The following DIAPH3 variants were observed in gnomAD, a reference collection of about 807,000 sequenced individuals.
The protein encoded by DIAPH3 is diaphanous related formin 3.
A neutral mutation model predicts 144.3 loss-of-function variants in DIAPH3; 117 were observed. That is an observed-to-expected ratio of 0.81 (90% CI 0.70 to 0.95). The LOEUF is 0.95. DIAPH3 is among the 40% of genes least tolerant of loss of function. The pLI, the probability that DIAPH3 is intolerant of heterozygous loss-of-function variation, is 0.00. For missense variants in DIAPH3, 1,421 were observed against 1,412.7 expected (o/e 1.01, Z -0.09); for synonymous variants, 519 against 488.9 (o/e 1.06, Z -0.81).
chr13:59,963,906 TAA>T (rs2049911406), intron 17 of DIAPH3, among the ~76,000 whole-genome samples: 1 of 152,200 alleles, frequency 6.6e-6, no homozygotes, highest in South Asian at 2.1e-4. Context: ...TTCAGAAGGA[TAA>T]GCCTCATTTA....
chr13:60,143,000 G>C (rs1024084308), intron 1 of DIAPH3, among the ~76,000 whole-genome samples: 1 of 151,370 alleles, frequency 6.6e-6, no homozygotes, highest in Non-Finnish European at 1.5e-5. Context: ...TGATCCTTCT[G>C]CCTCAGCCTT....
At chr13:59,807,140 A>G (rs1423227684) in intron 25 of DIAPH3, among the ~76,000 whole-genome samples, 1 of 151,946 alleles carries the variant, frequency 6.6e-6, no homozygotes, top group African/African-American at 2.4e-5. Flanking sequence ...TCACTTGGTA[A>G]TAAGAGTTAC....
chr13:60,136,629 C>T (rs2059284506), intron 1 of DIAPH3, among the ~76,000 whole-genome samples: 1 of 152,060 alleles, frequency 6.6e-6, no homozygotes, highest in African/African-American at 2.4e-5. Flanking sequence ...AAATAAAACT[C>T]ATGATTTTAA....
rs142660302 is a variant in DIAPH3 at position 59,952,804 on chromosome 13, G to A, written c.2074+17140C>T. ...GAAAAAAGACAGTTTGCTTGAGGAG[G>A]CTGAAATTATTGCATTTCTGCTTTA... On this transcript the variant is annotated intron_variant, in intron 17 of 27. Transcript: ENST00000400324. 3.9e-3 allele frequency among the ~76,000 whole-genome samples: 599 copies of A among 152,272 alleles called. 5 individuals carry two copies. Among genetic ancestry groups the A allele is most frequent in the African/African-American group, 0.014 (582 of 41,538 alleles).
intron 4 of DIAPH3, among the ~76,000 whole-genome samples, chr13:60,048,375 A>C (rs942866340): frequency 9.2e-5 from 14 of 152,380 alleles, no homozygotes; most frequent in Non-Finnish European, 1.8e-4. Context: ...AATAGTAATA[A>C]GACAAATTAA....
intron 27 of DIAPH3, among the ~76,000 whole-genome samples, chr13:59,716,881 A>G (rs1472384463): frequency 6.6e-6 from 1 of 152,208 alleles, no homozygotes; most frequent in East Asian, 1.9e-4. Flanking sequence ...TGACTCTGGT[A>G]GCATACATTA....
chr13:60,069,443 G>C lies in DIAPH3; in HGVS notation c.495+24185C>G, dbSNP rs1035887344. Among the ~76,000 whole-genome samples the C allele has an allele frequency of 2.0e-5, 3 of 152,206 alleles. No homozygotes were observed. The South Asian group carries it at 6.2e-4, about 32-fold the overall frequency. On this transcript the variant is annotated intron_variant, in intron 4 of 27. Coordinates refer to ENST00000400324, the MANE Select transcript of DIAPH3 (RefSeq NM_001042517.2). ...CTGTAGGTTGTCTGTTTACTCTCTTGATGGTTTCTTTTGCTGTGAGGGTGC... is the reference window on the plus strand; with the variant it reads ...CTGTAGGTTGTCTGTTTACTCTCTTCATGGTTTCTTTTGCTGTGAGGGTGC...
chr13:59,781,620 G>A (rs1041829990), intron 25 of DIAPH3, among the ~76,000 whole-genome samples: 6 of 152,162 alleles, frequency 3.9e-5, no homozygotes, highest in African/African-American at 1.2e-4. Flanking sequence ...CTATTGTGTC[G>A]GACCATTTGC....
chr13:59,845,174 T>C (rs560284254), intron 22 of DIAPH3, among the ~76,000 whole-genome samples: 1 of 151,956 alleles, frequency 6.6e-6, no homozygotes, highest in Non-Finnish European at 1.5e-5. Context: ...GTCTCCTGAG[T>C]AGCTAGGATT....
intron 4 of DIAPH3, chr13:60,044,485 C>T (rs1057016579): frequency 1.3e-5 from 2 of 152,124 alleles, no homozygotes; most frequent in Admixed American, 6.5e-5. Context: ...ATTATTTTTA[C>T]CGCAGTCACT....
Position 59,789,416 on chromosome 13 carries a change from TGTTTTAGTA to T in DIAPH3, c.3164-14602_3164-14594del, listed in dbSNP as rs1251513210. ...AATATATTAGGATTTGTTTTAGATT[TGTTTTAGTA>T]TTTTATTAGTGAAGAATTGACTTTT... On this transcript the variant is annotated intron_variant, in intron 25 of 27. Transcript: ENST00000400324. 3.2e-4 allele frequency among the ~76,000 whole-genome samples: 48 copies of T among 151,076 alleles called. 1 individual carries two copies. The highest frequency in any genetic ancestry group is 6.9e-3 in the Middle Eastern group (2 of 290).
At chr13:59,698,154 T>G (rs540565467) in intron 27 of DIAPH3, among the ~76,000 whole-genome samples, 1 of 152,338 alleles carries the variant, frequency 6.6e-6, no homozygotes, top group East Asian at 1.9e-4. Context: ...CTTTCAATGA[T>G]CTGTCTTCTC....
intron 17 of DIAPH3, among the ~76,000 whole-genome samples, chr13:59,928,867 G>T (rs2047880029): frequency 6.6e-6 from 1 of 152,174 alleles, no homozygotes; most frequent in African/African-American, 2.4e-5. Context: ...TTGGGCCCCT[G>T]GGGGTTGTAC....
intron 4 of DIAPH3, among the ~76,000 whole-genome samples, chr13:60,065,294 A>G (rs985098919): frequency 1.3e-4 from 19 of 151,176 alleles, no homozygotes; most frequent in African/African-American, 4.6e-4. Context: ...TGCAAAGACC[A>G]ATAAAGCAAG....
chr13:59,760,432 A>T (rs892309417), intron 27 of DIAPH3, among the ~76,000 whole-genome samples: 1 of 152,238 alleles, frequency 6.6e-6, no homozygotes, highest in African/African-American at 2.4e-5. Flanking sequence ...AAAGTTTCTT[A>T]GTTGTCTCTT....
chr13:59,786,932 G>A (rs759838200), intron 25 of DIAPH3, among the ~76,000 whole-genome samples: 1 of 152,090 alleles, frequency 6.6e-6, no homozygotes, highest in South Asian at 2.1e-4. Context: ...AACATAGTGA[G>A]ACCTTGTCTC....
chr13:60,133,021 AATTTAT>A, intron 1 of DIAPH3, 32 bp from the exon 2 acceptor site: 4 of 1,485,952 alleles, frequency 2.7e-6, no homozygotes, highest in Non-Finnish European at 3.7e-6. Context: ...TCATATTAGT[AATTTAT>A]AACAGCTTCT....
chr13:60,104,416 C>T (rs1387907796), intron 3 of DIAPH3, among the ~76,000 whole-genome samples: 1 of 152,026 alleles, frequency 6.6e-6, no homozygotes, highest in East Asian at 1.9e-4. Flanking sequence ...ATTAATAGAA[C>T]AGCAGCCAAA....
At chr13:60,086,559 T>A (rs566065856) in intron 4 of DIAPH3, among the ~76,000 whole-genome samples, 1 of 151,264 alleles carries the variant, frequency 6.6e-6, no homozygotes, top group Non-Finnish European at 1.5e-5. Context: ...GCTTTTGTGT[T>A]ATAGGGGCAT....
Sources: allele counts gnomAD v4.1 joint callset (sites outside exome capture counted in the v4.1 genomes callset), GRCh38; gene constraint gnomAD v4.1.1; transcripts MANE v1.5; gene names NCBI Gene and HGNC (gene_info 2026-07-23, HGNC 2026-07-21).